Variants in PLA2G4A observed in about 807,000 individuals in gnomAD.
PLA2G4A encodes phospholipase A2 group IVA, also known as cytosolic phospholipase A2.
PLA2G4A carries 40 observed loss-of-function variants against 81.9 expected under a neutral mutation model. The ratio of observed to expected loss-of-function variants is 0.49; its 90% CI spans 0.38 to 0.64. The LOEUF is 0.64. PLA2G4A is among the 30% of genes least tolerant of loss of function. PLA2G4A has a pLI of 0.00. For missense variants in PLA2G4A, 715 were observed against 905.1 expected (o/e 0.79, Z 2.69); for synonymous variants, 302 against 296.9 (o/e 1.02, Z -0.18).
intron 7 of PLA2G4A, among the ~76,000 whole-genome samples, chr1:186,925,274 AGAGAGGACTTACATATGTTTGTGTATT>A (rs1438096561): frequency 6.6e-6 from 1 of 152,168 alleles, no homozygotes; most frequent in African/African-American, 2.4e-5. Context: ...TGCCTTGTAT[AGAGAGGACTTACATATGTTTGTGTATT>A]GAGAGGACTT....
At chr1:186,963,732 G>T (rs553560903) in intron 14 of PLA2G4A, among the ~76,000 whole-genome samples, 11 of 152,220 alleles carry the variant, frequency 7.2e-5, no homozygotes, top group Non-Finnish European at 1.6e-4. Context: ...TTTTAGAAAT[G>T]GGAATTTTTA....
chr1:186,946,784 C>A lies in PLA2G4A; in HGVS notation c.1171+10C>A. 1.2e-6 allele frequency: 2 copies of A among 1,605,286 alleles called. No homozygotes were observed. The highest frequency in any genetic ancestry group is 2.2e-5 in the South Asian group (2 of 90,856). ...TTGCATTTCTTAATGGGTAAGTGAT[C>A]AAAATAAAAATATATCATTGACTTG... is the stretch of plus-strand genomic sequence containing the variant. On this transcript the variant is annotated intron_variant, in intron 11 of 17. Coordinates refer to ENST00000367466, the MANE Select transcript of PLA2G4A (RefSeq NM_024420.3).
chr1:186,877,601 T>G (rs989531184), intron 3 of PLA2G4A, among the ~76,000 whole-genome samples: 2 of 150,746 alleles, frequency 1.3e-5, no homozygotes, highest in African/African-American at 2.4e-5. Context: ...TTGGGTATAT[T>G]TCACTCCCTG....
intron 7 of PLA2G4A, among the ~76,000 whole-genome samples, chr1:186,916,157 G>T (rs995156280): frequency 2.4e-5 from 2 of 82,226 alleles, no homozygotes; most frequent in African/African-American, 1.1e-4. Context: ...ACTGGCTCAG[G>T]AGAGCGTTCG....
At chr1:186,984,704 A>G (rs1345579146) in intron 17 of PLA2G4A, among the ~76,000 whole-genome samples, 1 of 152,030 alleles carries the variant, frequency 6.6e-6, no homozygotes, top group East Asian at 1.9e-4. Flanking sequence ...TTAGTCCATA[A>G]CTCATCTATT....
chr1:186,865,125 A>T (rs1428123541), intron 2 of PLA2G4A, among the ~76,000 whole-genome samples: 2 of 149,568 alleles, frequency 1.3e-5, no homozygotes, highest in African/African-American at 2.4e-5. Flanking sequence ...TATATTGCCA[A>T]ACTTAATGTA....
intron 15 of PLA2G4A, among the ~76,000 whole-genome samples, chr1:186,969,122 A>G (rs1213595251): frequency 6.6e-6 from 1 of 151,746 alleles, no homozygotes; most frequent in East Asian, 1.9e-4. Context: ...CTAATATGTC[A>G]TTTGTATTGG....
chr1:186,893,918 CAAAAAAAAA>C (rs35114616), intron 4 of PLA2G4A, among the ~76,000 whole-genome samples, 171 bp from the exon 5 acceptor site: 1 of 118,290 alleles, frequency 8.5e-6, no homozygotes, highest in Non-Finnish European at 1.7e-5. Flanking sequence ...GACCCTGTCT[CAAAAAAAAA>C]AAAAAAAAGG....
chr1:186,850,036 A>G (rs1322091061), intron 1 of PLA2G4A, among the ~76,000 whole-genome samples: 2 of 152,130 alleles, frequency 1.3e-5, no homozygotes, highest in East Asian at 3.8e-4. Flanking sequence ...GAGGAAGTAG[A>G]TAGAAATTCA....
intron 3 of PLA2G4A, among the ~76,000 whole-genome samples, chr1:186,884,399 G>C (rs2102088913): frequency 6.6e-6 from 1 of 151,460 alleles, no homozygotes; most frequent in Admixed American, 6.6e-5. Context: ...GGATAGGGAT[G>C]ATTATAGTTT....
At chr1:186,906,089 C>A (rs919789279) in intron 5 of PLA2G4A, among the ~76,000 whole-genome samples, 15 of 152,154 alleles carry the variant, frequency 9.9e-5, no homozygotes, top group African/African-American at 3.6e-4. Context: ...TTAGCTCTAT[C>A]TATGTTCTTA....
Position 186,982,686 on chromosome 1 carries a change from T to C in PLA2G4A, c.2118+3214T>C, listed in dbSNP as rs72714316. On this transcript the variant is annotated intron_variant, in intron 17 of 17. Transcript: ENST00000367466. ...TAACTCCTCTTTGTGTGTGTGTGCG[T>C]GTGTGTGTGTGTGTGTGTTTCATAA... 5.4e-3 allele frequency among the ~76,000 whole-genome samples: 319 copies of C among 58,960 alleles called. 2 individuals carry two copies. Among genetic ancestry groups the C allele is most frequent in the South Asian group, 0.013 (22 of 1,696 alleles). 38.7% of individuals were successfully genotyped at this position (58,960 alleles called of 152,430 possible).
intron 12 of PLA2G4A, among the ~76,000 whole-genome samples, chr1:186,950,182 C>T (rs1381552839): frequency 2.0e-5 from 3 of 152,264 alleles, no homozygotes; most frequent in South Asian, 2.1e-4. Flanking sequence ...TTTCAACTGA[C>T]AATTTTCAAT....
At chr1:186,936,939 A>C (rs1477127298) in intron 8 of PLA2G4A, among the ~76,000 whole-genome samples, 1 of 151,840 alleles carries the variant, frequency 6.6e-6, no homozygotes, top group African/African-American at 2.4e-5. Flanking sequence ...TCTTTTTGAA[A>C]CTTGATGGTA....
intron 15 of PLA2G4A, among the ~76,000 whole-genome samples, chr1:186,968,806 G>C (rs1657231021): frequency 6.6e-6 from 1 of 151,608 alleles, no homozygotes; most frequent in South Asian, 2.1e-4. Context: ...GATTTCTAGA[G>C]AAGCTTCATC....
intron 8 of PLA2G4A, among the ~76,000 whole-genome samples, chr1:186,933,265 T>C (rs544726296): frequency 1.3e-5 from 2 of 152,166 alleles, no homozygotes; most frequent in Non-Finnish European, 2.9e-5. Context: ...TCAGTGAACA[T>C]GTCTAAGTCT....
At chr1:186,916,202 G>A (rs1158793579) in intron 7 of PLA2G4A, among the ~76,000 whole-genome samples, 4 of 152,132 alleles carry the variant, frequency 2.6e-5, no homozygotes, top group Admixed American at 6.5e-5. Context: ...ATATTTACTC[G>A]AGGATCCAGT....
intron 5 of PLA2G4A, among the ~76,000 whole-genome samples, chr1:186,900,677 G>C (rs1654504297): frequency 6.6e-6 from 1 of 152,152 alleles, no homozygotes; most frequent in Non-Finnish European, 1.5e-5. Flanking sequence ...TTTTGTGTAA[G>C]GAAAGTAGCC....
rs561767666 is a variant in PLA2G4A, at chr1:186,905,241, G to A, written c.379-1724G>A. On this transcript the variant is annotated intron_variant, in intron 5 of 17. Transcript: ENST00000367466. The stretch of plus-strand genomic sequence containing the variant: ...TCTTGAGCACTTTCTGTCATGAGAC[G>A]GCACAATGAAAGAGGCCTTGAATCT... 2.2e-4 allele frequency among the ~76,000 whole-genome samples: 34 copies of A among 152,068 alleles called. 1 individual carries two copies. Among genetic ancestry groups the A allele is most frequent in the African/African-American group, 7.2e-5 (3 of 41,410 alleles).
Sources: allele counts gnomAD v4.1 joint callset (sites outside exome capture counted in the v4.1 genomes callset), GRCh38; gene constraint gnomAD v4.1.1; transcripts MANE v1.5; gene names NCBI Gene and HGNC (gene_info 2026-07-23, HGNC 2026-07-21).